Variants in ASXL1 observed in about 807,000 individuals in gnomAD.
ASXL1 encodes the protein polycomb group protein ASXL1.
ASXL1 carries 65 observed loss-of-function variants against 89.1 expected under a neutral mutation model. That is an observed-to-expected ratio of 0.73 (90% CI 0.60 to 0.90). ASXL1 has a LOEUF of 0.90. Among genes scored for constraint, ASXL1 ranks in the 40% least tolerant of loss-of-function variants. The probability of loss-of-function intolerance (pLI) is 0.00; values close to 1 mark genes in which losing one functional copy is unlikely to be tolerated. For synonymous variants in ASXL1, 739 were observed against 746.9 expected, an observed-to-expected ratio of 0.99 and a Z score of 0.17; for missense variants, 1,786 against 1,942.9, an observed-to-expected ratio of 0.92 and a Z score of 1.52.
intron 4 of ASXL1, among the ~76,000 whole-genome samples, chr20:32,370,964 T>C (rs1391010615): frequency 9.9e-6 from 1 of 101,476 alleles, no homozygotes; most frequent in Non-Finnish European, 1.9e-5. Flanking sequence ...CTTGTCTCTA[T>C]TAAAAAAAAA....
chr20:32,369,488 G>A lies in ASXL1; in HGVS notation c.252+365G>A, dbSNP rs967726113. 2.0e-5 allele frequency among the ~76,000 whole-genome samples: 3 copies of A among 151,978 alleles called. No homozygotes were observed. The East Asian group carries it at 5.8e-4, about 29-fold the overall frequency. On this transcript the variant is annotated intron_variant, in intron 4 of 12. Transcript: ENST00000375687. ...GCTGGTCTCGAAATCCTGACCTCAG[G>A]TGATCCACCTACCTCGGCCTCCCAA... is the stretch of plus-strand genomic sequence containing the variant.
At chr20:32,389,363 T>C (rs1569269675) in intron 4 of ASXL1, among the ~76,000 whole-genome samples, 1 of 152,156 alleles carries the variant, frequency 6.6e-6, no homozygotes, top group East Asian at 1.9e-4. Context: ...GTTCTTAGCA[T>C]GTATTTGGGT....
rs914509586 is a variant in ASXL1 at position 32,431,778 on chromosome 20, G to A, written c.979+99G>A. The A allele has an allele frequency of 6.3e-6, 8 of 1,264,030 alleles. No homozygotes were observed. In the East Asian group the frequency reaches 1.2e-4, roughly 19 times the overall value. 78.3% of individuals were successfully genotyped at this position (1,264,030 alleles called of 1,614,324 possible). ...AAACCCAAGCTCGCTCTTCTCAAAG[G>A]GTTATTTAGTATAAGACAGGCTTTC... On this transcript the variant is annotated intron_variant, in intron 10 of 12. Coordinates refer to ENST00000375687, the MANE Select transcript of ASXL1 (RefSeq NM_015338.6).
chr20:32,434,599 TCACCACTGCCATAGAGAGGCGGC>T lies in ASXL1; in HGVS notation c.1900_1922del (p.Glu635ArgfsTer15), dbSNP rs766433101. The T allele has an allele frequency of 8.0e-5, 129 of 1,611,268 alleles. No individual in the cohort carries two copies. Among genetic ancestry groups the T allele is most frequent in the East Asian group, 2.0e-4 (9 of 44,810 alleles). ...CTCTGCAGGTCCGAGGGGCGAGAGG[TCACCACTGCCATAGAGAGGCGGC>T]CACCACTGCCATCGGAGGGGGGGGT... On this transcript the variant is annotated frameshift_variant, in exon 13 of 13. Coordinates refer to ENST00000375687, the MANE Select transcript of ASXL1 (RefSeq NM_015338.6). LOFTEE classifies it low-confidence loss of function (END_TRUNC).
At chr20:32,401,540 G>GT (rs1263598521) in intron 4 of ASXL1, among the ~76,000 whole-genome samples, 10 of 29,406 alleles carry the variant, frequency 3.4e-4, no homozygotes, top group Non-Finnish European at 7.4e-4. Context: ...GTGTGTGTGT[G>GT]TGTGTTTTTT....
chr20:32,384,984 C>A (rs910990437), intron 4 of ASXL1, among the ~76,000 whole-genome samples: 4 of 150,344 alleles, frequency 2.7e-5, no homozygotes, highest in Admixed American at 2.7e-4. Flanking sequence ...AAAAAAAAAA[C>A]TTTTCTTTGG....
In ASXL1 at chr20:32,436,240, T is replaced by C; in HGVS notation, c.3528T>C (p.Pro1176=). The change falls in exon 13 of 13, where the codon CCT becomes CCC. Residue 1176 remains proline (P), a synonymous_variant. Transcript: ENST00000375687. ...SPSSLRALKE[P]LLPDSCETGT... is the part of the protein sequence containing the mutation. ...GTTCTTTAAGGGCTTTGAAGGAGCC[T>C]CTTCTGCCAGATAGCTGTGAAACAG... is the stretch of plus-strand genomic sequence containing the variant. 1.2e-6 allele frequency: 2 copies of C among 1,614,214 alleles called. No homozygotes were observed. Among genetic ancestry groups the C allele is most frequent in the Non-Finnish European group, 1.7e-6 (2 of 1,180,042 alleles).
At position 32,435,421 on chromosome 20, in the gene ASXL1, G is replaced by A. The variant is rs1430570807; in HGVS notation, c.2709G>A (p.Ser903=). 1 of 1,614,082 alleles carries A rather than the reference G, an allele frequency of 6.2e-7. No individual in the cohort carries two copies. The highest frequency in any genetic ancestry group is 8.5e-7 in the Non-Finnish European group (1 of 1,180,012). The change falls in exon 13 of 13, where the codon TCG becomes TCA. Residue 903 remains serine, a synonymous_variant. Coordinates refer to ENST00000375687, the MANE Select transcript of ASXL1 (RefSeq NM_015338.6). ...CTTTGCATTGGATACCCATCCCATC[G>A]AATGATGAGGTAGTGAAACAGCCCA... ...NSSLHWIPIP[S]NDEVVKQPKP... is the part of the protein sequence containing the mutation.
Position 32,433,812 on chromosome 20 carries a change from G to GAAGCCCC in ASXL1, c.1615_1621dup (p.Arg541GlnfsTer5). On this transcript the variant is annotated frameshift_variant, in exon 12 of 13. Transcript: ENST00000375687. LOFTEE classifies it high-confidence loss of function. ...CGGCCTCTGCATCCTTTCCCGAAAA[G>GAAGCCCC]AAGCCCCGGCTTGAAGATCGTCAGT... The GAAGCCCC allele has an allele frequency of 6.2e-7, 1 of 1,614,166 alleles. No individual in the cohort carries two copies. The highest frequency in any genetic ancestry group is 1.7e-5 in the Admixed American group (1 of 60,026).
intron 4 of ASXL1, among the ~76,000 whole-genome samples, chr20:32,426,001 G>T (rs574851072): frequency 3.6e-4 from 55 of 152,252 alleles, no homozygotes; most frequent in African/African-American, 1.3e-3. Flanking sequence ...CACCATGCCC[G>T]GCCTGATTTA....
intron 4 of ASXL1, among the ~76,000 whole-genome samples, chr20:32,421,377 G>A (rs2049246278): frequency 6.6e-6 from 1 of 151,948 alleles, no homozygotes; most frequent in Admixed American, 6.6e-5. Flanking sequence ...CCACTAGAAT[G>A]GCTAAAATAA....
At chr20:32,385,791 A>G (rs77624218) in intron 4 of ASXL1, among the ~76,000 whole-genome samples, 1,719 of 152,288 alleles carry the variant, frequency 0.011, 36 homozygotes, top group African/African-American at 0.039. Flanking sequence ...TTTTCAAAAC[A>G]TAATTTGATT....
At chr20:32,405,267 GC>G (rs758229218) in intron 4 of ASXL1, among the ~76,000 whole-genome samples, 7 of 151,956 alleles carry the variant, frequency 4.6e-5, no homozygotes, top group Non-Finnish European at 1.0e-4. Flanking sequence ...GTGCCACCAT[GC>G]CTGGCTAATT....
intron 4 of ASXL1, among the ~76,000 whole-genome samples, chr20:32,384,224 T>TG (rs1277020207): frequency 3.1e-5 from 4 of 129,758 alleles, no homozygotes; most frequent in Non-Finnish European, 4.9e-5. Flanking sequence ...TTTTTTTTTT[T>TG]GAGACAGAGT....
intron 4 of ASXL1, among the ~76,000 whole-genome samples, chr20:32,421,846 T>G: frequency 6.7e-6 from 1 of 149,482 alleles, no homozygotes; most frequent in Non-Finnish European, 1.5e-5. Context: ...CTTCGTGGGG[T>G]GAGAGGGGTG....
At chr20:32,421,665 G>C (rs1163381791) in intron 4 of ASXL1, among the ~76,000 whole-genome samples, 1 of 152,084 alleles carries the variant, frequency 6.6e-6, no homozygotes, top group Non-Finnish European at 1.5e-5. Flanking sequence ...ATATTAGTCT[G>C]TAATAACAAA....
chr20:32,359,037 C>T (rs969537255), intron 1 of ASXL1: 28 of 612,458 alleles, frequency 4.6e-5, no homozygotes, highest in Admixed American at 2.1e-4. Flanking sequence ...TTCCGCTCGC[C>T]CTCGCGCCCC....
rs571165637 is a variant in ASXL1 at position 32,435,514 on chromosome 20, T to C, written c.2802T>C (p.Ala934=). Residue 934 remains alanine, a synonymous_variant, in exon 13 of 13, where the codon GCT becomes GCC. Transcript: ENST00000375687. ...PQVGEEWEKA[A]PTPPALPGDL... is the part of the protein sequence containing the mutation. ...TTGGAGAGGAGTGGGAGAAAGCTGC[T>C]CCCACCCCTCCTGCATTGCCTGGGG... 2.2e-5 allele frequency: 36 copies of C among 1,613,948 alleles called. No homozygotes were observed. In the East Asian group the frequency reaches 6.5e-4, roughly 29 times the overall value.
In ASXL1 at chr20:32,365,592, T is replaced by G. The variant is rs1426093892; in HGVS notation, c.58-792T>G. On this transcript the variant is annotated intron_variant, in intron 1 of 12. Transcript: ENST00000375687. ...CACAGGTAGACAAAGTACAAAGATA[T>G]TGACAGCTTTTTTCTTCCTTTAGAA... Among the ~76,000 whole-genome samples, 3 of 152,206 alleles carry G rather than the reference T, an allele frequency of 2.0e-5. No individual in the cohort carries two copies. In the East Asian group the frequency reaches 5.8e-4, roughly 29 times the overall value.
Sources: allele counts gnomAD v4.1 joint callset (sites outside exome capture counted in the v4.1 genomes callset), GRCh38; gene constraint gnomAD v4.1.1; transcripts MANE v1.5; gene names NCBI Gene and HGNC (gene_info 2026-07-23, HGNC 2026-07-21).